The following RBM19 variants were observed in gnomAD, a reference collection of about 807,000 sequenced individuals.
The protein encoded by RBM19 is probable RNA-binding protein 19.
A neutral mutation model predicts 116.8 loss-of-function variants in RBM19; 94 were observed. The ratio of observed to expected loss-of-function variants is 0.80; its 90% CI spans 0.68 to 0.95. The LOEUF (loss-of-function observed/expected upper bound fraction) is 0.95, where lower values mean the gene tolerates loss of function less well. Among genes scored for constraint, RBM19 ranks in the 40% least tolerant of loss-of-function variants. RBM19 has a pLI of 0.00. For synonymous variants in RBM19, 475 were observed against 494.1 expected (o/e 0.96, Z 0.51); for missense variants, 1,161 against 1,220.7 (o/e 0.95, Z 0.73).
Position 113,935,297 on chromosome 12 carries a change from G to A in RBM19, c.2068+1710C>T, listed in dbSNP as rs1178675065. 7.9e-5 allele frequency among the ~76,000 whole-genome samples: 12 copies of A among 151,152 alleles called. No individual in the cohort carries two copies. The South Asian group carries it at 1.0e-3, about 13-fold the overall frequency. On this transcript the variant is annotated intron_variant, in intron 16 of 23. Transcript: ENST00000261741. ...ATCTCTGCGTTTCAAAGGAGAACTC[G>A]CTTTGGGCCAAAAAAAAAAAACATT... is the stretch of plus-strand genomic sequence containing the variant.
chr12:113,844,163 G>C (rs1258366636), intron 23 of RBM19, among the ~76,000 whole-genome samples: 1 of 152,250 alleles, frequency 6.6e-6, no homozygotes, highest in Non-Finnish European at 1.5e-5. Context: ...TAAGAGGTGA[G>C]TGAGACCTGT....
chr12:113,918,486 A>G (rs1882918241), intron 19 of RBM19, 39 bp from the exon 20 acceptor site: 2 of 1,605,266 alleles, frequency 1.2e-6, no homozygotes, highest in African/African-American at 2.7e-5. Context: ...CTCTGTCCCG[A>G]GAAATACTCA....
rs1871265897 is a variant in RBM19 at position 113,948,967 on chromosome 12, G to A, written c.1142C>T (p.Thr381Ile). ...GAGTATCCGGCCTTGCCAGGATTTG[G>A]TGGTATTCTTTGGTGCACCCTTGGT... is the stretch of plus-strand genomic sequence containing the variant. ...PTTKGAPKNT[T>I]KSWQGRILGE... The change falls in exon 10 of 24, where the codon ACC (threonine) becomes ATC (isoleucine). Residue 381 changes from threonine (T) to isoleucine (I), a missense_variant. Coordinates refer to ENST00000261741, the MANE Select transcript of RBM19 (RefSeq NM_016196.4). 6.2e-7 allele frequency: 1 copy of A among 1,614,172 alleles called. No individual in the cohort carries two copies. Among genetic ancestry groups the A allele is most frequent in the Non-Finnish European group, 8.5e-7 (1 of 1,180,016 alleles).
chr12:113,957,050 A>G (rs1872006270), intron 6 of RBM19, among the ~76,000 whole-genome samples: 1 of 152,148 alleles, frequency 6.6e-6, no homozygotes, highest in Non-Finnish European at 1.5e-5. Context: ...CACTCAGCTC[A>G]CTTCTGCCCC....
At chr12:113,944,347 C>T (rs1364675177) in intron 13 of RBM19, among the ~76,000 whole-genome samples, 1 of 151,854 alleles carries the variant, frequency 6.6e-6, no homozygotes, top group Non-Finnish European at 1.5e-5. Flanking sequence ...ATCCACCTGC[C>T]TCAGCCTTCC....
At chr12:113,918,796 T>C (rs1185790968) in intron 19 of RBM19, among the ~76,000 whole-genome samples, 2 of 152,232 alleles carry the variant, frequency 1.3e-5, no homozygotes, top group Non-Finnish European at 2.9e-5. Flanking sequence ...TGGGTTTAGT[T>C]TGTATGTTCC....
chr12:113,909,315 C>A (rs1001504986), intron 21 of RBM19, among the ~76,000 whole-genome samples: 5 of 152,076 alleles, frequency 3.3e-5, no homozygotes, highest in African/African-American at 1.2e-4. Context: ...GAGATGGGGT[C>A]TTGCTATGTT....
At chr12:113,883,728 T>G (rs1880313577) in intron 21 of RBM19, among the ~76,000 whole-genome samples, 1 of 152,266 alleles carries the variant, frequency 6.6e-6, no homozygotes, top group Non-Finnish European at 1.5e-5. Flanking sequence ...CTCTGCTCTT[T>G]CCCATGATGC....
chr12:113,949,968 A>G, intron 9 of RBM19, 115 bp downstream of exon 9: 1 of 955,174 alleles, frequency 1.0e-6, no homozygotes, highest in South Asian at 1.5e-5. Flanking sequence ...CAGTGTCTGC[A>G]GAGACACTGC....
chr12:113,877,600 C>T (rs1879763173), intron 21 of RBM19, among the ~76,000 whole-genome samples: 1 of 152,192 alleles, frequency 6.6e-6, no homozygotes, highest in African/African-American at 2.4e-5. Flanking sequence ...TCTAGTCCCT[C>T]CTGACTAAAA....
At chr12:113,954,695 A>G (rs1045940985) in intron 7 of RBM19, among the ~76,000 whole-genome samples, 1 of 152,264 alleles carries the variant, frequency 6.6e-6, no homozygotes, top group Non-Finnish European at 1.5e-5. Flanking sequence ...GCAGCAAACT[A>G]CAGTCCACAG....
At chr12:113,925,145 C>G (rs1012535193) in intron 17 of RBM19, among the ~76,000 whole-genome samples, 1 of 152,172 alleles carries the variant, frequency 6.6e-6, no homozygotes, top group African/African-American at 2.4e-5. Flanking sequence ...ATAGTCTATT[C>G]TATTTTCCCC....
intron 6 of RBM19, among the ~76,000 whole-genome samples, 166 bp downstream of exon 6, chr12:113,957,616 A>G (rs947948519): frequency 6.6e-6 from 1 of 152,218 alleles, no homozygotes; most frequent in Non-Finnish European, 1.5e-5. Context: ...AGAAACGCAG[A>G]AAGAACACAC....
At chr12:113,914,340 C>T (rs1446146316) in intron 21 of RBM19, among the ~76,000 whole-genome samples, 1 of 152,242 alleles carries the variant, frequency 6.6e-6, no homozygotes, top group Non-Finnish European at 1.5e-5. Flanking sequence ...GCATTTTCCA[C>T]CCCTGTGCAA....
At chr12:113,849,163 C>T (rs1420725773) in intron 22 of RBM19, among the ~76,000 whole-genome samples, 2 of 152,246 alleles carry the variant, frequency 1.3e-5, no homozygotes, top group East Asian at 1.9e-4. Flanking sequence ...GTGCCCTGGA[C>T]ACCTGGCCTC....
chr12:113,939,994 G>A lies in RBM19; in HGVS notation c.1904C>T (p.Ala635Val). The A allele has an allele frequency of 1.9e-6, 3 of 1,614,104 alleles. No homozygotes were observed. Among genetic ancestry groups the A allele is most frequent in the South Asian group, 1.1e-5 (1 of 91,086 alleles). ...AIVEFLEPLEARKAFRHLAYS... is the reference protein window; with the variant it reads ...AIVEFLEPLEVRKAFRHLAYS... The stretch of plus-strand genomic sequence containing the variant: ...GGCCAGATGCCTGAAGGCCTTGCGG[G>A]CCTCCAGGGGCTCCAGGAACTCCAC... Residue 635 changes from alanine (A) to valine (V), a missense_variant, in exon 15 of 24, where the codon GCC (alanine) becomes GTC (valine). By Grantham distance (64) the Ala-to-Val change is moderately conservative. Transcript: ENST00000261741.
At chr12:113,877,157 G>A (rs1311277660) in intron 21 of RBM19, among the ~76,000 whole-genome samples, 1 of 152,226 alleles carries the variant, frequency 6.6e-6, no homozygotes, top group East Asian at 1.9e-4. Context: ...CTAGGGTGTG[G>A]AGGTGATTTT....
At chr12:113,886,000 C>G (rs1173192001) in intron 21 of RBM19, among the ~76,000 whole-genome samples, 1 of 151,614 alleles carries the variant, frequency 6.6e-6, no homozygotes, top group Admixed American at 6.6e-5. Context: ...TCCCAAGTAG[C>G]TGGGACTACA....
At chr12:113,918,506 T>C in intron 19 of RBM19, 59 bp from the exon 20 acceptor site, 3 of 1,579,832 alleles carry the variant, frequency 1.9e-6, no homozygotes, top group Non-Finnish European at 2.6e-6. Flanking sequence ...ACCCGAATCC[T>C]TGCCCTTCAC....
Sources: gnomAD v4.1 joint callset for allele counts (sites outside exome capture counted in the v4.1 genomes callset) on GRCh38, gnomAD v4.1.1 for gene constraint, MANE v1.5 for transcripts, NCBI Gene and HGNC (gene_info 2026-07-23, HGNC 2026-07-21) for gene names.